SH2D5: variants seen among roughly 807,000 people sequenced by gnomAD.
The protein encoded by SH2D5 is SH2 domain-containing protein 5.
SH2D5 carries 45 observed loss-of-function variants against 48.2 expected under a neutral mutation model. That is an observed-to-expected ratio of 0.93 (90% CI 0.73 to 1.20). The LOEUF is 1.20. Ranked by LOEUF, SH2D5 falls within the 50% of genes most tolerant of loss-of-function variation. The pLI is 0.00. For missense variants in SH2D5, 538 were observed against 584.1 expected (o/e 0.92, Z 0.81); for synonymous variants, 230 against 249.8 (o/e 0.92, Z 0.75).
In SH2D5 at chr1:20,727,589, G is replaced by A. The variant is rs570074696; in HGVS notation, c.102C>T (p.Phe34=). The A allele has an allele frequency of 6.6e-5, 106 of 1,610,216 alleles. No individual in the cohort carries two copies. The South Asian group carries it at 9.6e-4, about 15-fold the overall frequency. Residue 34 remains phenylalanine (F), a synonymous_variant, in exon 3 of 10, where the codon TTC becomes TTT. Transcript: ENST00000444387. ...CCTGGGTGTCCAGGTCATCCACAGG[G>A]AAGGAGCCCACGTACTGCTCGGCAG... The part of the protein sequence containing the change: ...ITKFAQYVGS[F]PVDDLDTQES...
rs763582177 is a variant in SH2D5 at position 20,727,083 on chromosome 1, GA to G, written c.169-9del. The G allele has an allele frequency of 4.4e-6, 7 of 1,608,352 alleles. No individual in the cohort carries two copies. In the East Asian group the frequency reaches 1.6e-4, roughly 36 times the overall value. ...CCGGCGTCGGGGACAGTCCTGGGTGGAAAAGAGTAGTGGGGACAGGCACCAC... is the reference window on the plus strand; with the variant it reads ...CCGGCGTCGGGGACAGTCCTGGGTGGAAAGAGTAGTGGGGACAGGCACCAC... On this transcript the variant is annotated splice_polypyrimidine_tract_variant and intron_variant, in intron 3 of 9. Coordinates refer to ENST00000444387, the MANE Select transcript of SH2D5 (RefSeq NM_001103161.2).
intron 1 of SH2D5, among the ~76,000 whole-genome samples, chr1:20,730,317 G>C (rs2054884101): frequency 7.5e-6 from 1 of 133,552 alleles, no homozygotes; most frequent in African/African-American, 2.8e-5. Flanking sequence ...GGGGGGGGGG[G>C]GGACGCAGCC....
intron 5 of SH2D5, among the ~76,000 whole-genome samples, chr1:20,725,537 C>G (rs905652167): frequency 1.3e-5 from 2 of 152,130 alleles, no homozygotes; most frequent in Non-Finnish European, 2.9e-5. Context: ...TCACAGGACC[C>G]CAGAGAGAGT....
rs1275536573 is a variant in SH2D5 at position 20,729,161 on chromosome 1, A to G, written c.-42-1075T>C. Among the ~76,000 whole-genome samples, 1 of 152,348 alleles carries G rather than the reference A, an allele frequency of 6.6e-6. No homozygotes were observed. The highest frequency in any genetic ancestry group is 1.9e-4 in the East Asian group (1 of 5,180). On this transcript the variant is annotated intron_variant, in intron 1 of 9. Transcript: ENST00000444387. This position sits in a 1 kb window ranked among gnomAD's most constrained non-coding sequence, Gnocchi z 4.2. ...AACACACTATTTCCCATGAGAGCCC[A>G]GGACACAGCTGGTGTTCAATTAATG...
At chr1:20,726,229 GT>G (rs2054797272) in intron 4 of SH2D5, among the ~76,000 whole-genome samples, 163 bp from the exon 5 acceptor site, 2 of 152,218 alleles carry the variant, frequency 1.3e-5, no homozygotes, top group Non-Finnish European at 2.9e-5. Context: ...CCACCCCCAT[GT>G]GATGCTCGGC....
intron 2 of SH2D5, 34 bp from the exon 3 acceptor site, chr1:20,727,637 G>C (rs748114127): frequency 6.4e-7 from 1 of 1,571,374 alleles, no homozygotes; most frequent in African/African-American, 1.3e-5. Context: ...AGTAAGGCGG[G>C]GAGTCAGGCC....
rs2054875235 is a variant in SH2D5 at position 20,729,940 on chromosome 1, C to T, written c.-42-1854G>A. 6.6e-6 allele frequency among the ~76,000 whole-genome samples: 1 copy of T among 152,238 alleles called. No homozygotes were observed. The highest frequency in any genetic ancestry group is 1.5e-5 in the Non-Finnish European group (1 of 68,040). On this transcript the variant is annotated intron_variant, in intron 1 of 9. Transcript: ENST00000444387. This position sits in a 1 kb window ranked among gnomAD's most constrained non-coding sequence, Gnocchi z 4.2. ...CTTTTCTGGGCTATTGCACCCGGAT[C>T]ATTTTCATGTCATATCCTTTACCTA...
Position 20,724,121 on chromosome 1 carries a change from G to A in SH2D5, c.761C>T (p.Thr254Ile), listed in dbSNP as rs781439575. The A allele has an allele frequency of 6.2e-7, 1 of 1,612,832 alleles. No individual in the cohort carries two copies. Among genetic ancestry groups the A allele is most frequent in the Non-Finnish European group, 8.5e-7 (1 of 1,179,812 alleles). Residue 254 changes from threonine to isoleucine, a missense_variant, in exon 7 of 10, where the codon ACC becomes ATC. Transcript: ENST00000444387. ...VIRSGAYRGC[T>I]YETQLQLSAR... ...CGACAGCTGCAGCTGGGTCTCATAGGTGCAGCCGCGGTAGGCCCCCGAGCG... is the reference window on the plus strand; with the variant it reads ...CGACAGCTGCAGCTGGGTCTCATAGATGCAGCCGCGGTAGGCCCCCGAGCG...
intron 2 of SH2D5, 102 bp from the exon 3 acceptor site, chr1:20,727,705 C>T (rs1028373665): frequency 3.9e-5 from 45 of 1,143,376 alleles, no homozygotes; most frequent in Non-Finnish European, 5.4e-5. Context: ...CTCTGCCAGG[C>T]GTGTCTGTGG....
chr1:20,724,646 G>A lies in SH2D5; in HGVS notation c.391-11C>T. ...GTGCAGGATCTGGACCTGGGAGGGA[G>A]GGAGAGAGGTGGGCTCAGCTGGAGG... is the stretch of plus-strand genomic sequence containing the variant. On this transcript the variant is annotated splice_polypyrimidine_tract_variant and intron_variant, in intron 5 of 9. Transcript: ENST00000444387. 6.5e-7 allele frequency: 1 copy of A among 1,543,834 alleles called. No individual in the cohort carries two copies. The highest frequency in any genetic ancestry group is 8.7e-7 in the Non-Finnish European group (1 of 1,147,316).
intron 1 of SH2D5, chr1:20,730,883 C>G (rs531398206): frequency 6.6e-6 from 1 of 152,462 alleles, no homozygotes. Context: ...GATGGGCTGA[C>G]CTGCCTCGTG....
chr1:20,721,876 G>C lies in SH2D5; in HGVS notation c.1188C>G (p.Asp396Glu). Residue 396 changes from aspartate to glutamate, a missense_variant, in exon 10 of 10, where the codon GAC (aspartate) becomes GAG (glutamate). Asp to Glu is a conservative substitution (Grantham distance 45, BLOSUM62 2). Transcript: ENST00000444387. ...GGGGCGGCCTGCCTGGGGGCCCACA[G>C]TCCTGCTCCTCGTAGGTGGGGTTCA... ...GRLNPTYEEQDCGPPGRPPRT... is the reference protein window; with the variant it reads ...GRLNPTYEEQECGPPGRPPRT... The C allele has an allele frequency of 3.7e-6, 6 of 1,613,038 alleles. No individual in the cohort carries two copies. Among genetic ancestry groups the C allele is most frequent in the Non-Finnish European group, 5.1e-6 (6 of 1,179,930 alleles).
chr1:20,727,013 G>A lies in SH2D5; in HGVS notation c.231C>T (p.Ser77=), dbSNP rs147562864. ...KFSLQGLKIY[S]GEGEVLLMAH... ...CAGGGGTTCCTACCTCACCCTCCCCGCTGTAGATCTTGAGACCCTGAAGGC... is the reference window on the plus strand; with the variant it reads ...CAGGGGTTCCTACCTCACCCTCCCCACTGTAGATCTTGAGACCCTGAAGGC... The change falls in exon 4 of 10, where the codon AGC becomes AGT. Residue 77 remains serine, a synonymous_variant. Transcript: ENST00000444387. 229 of 1,611,040 alleles carry A rather than the reference G, an allele frequency of 1.4e-4. No homozygotes were observed. Among genetic ancestry groups the A allele is most frequent in the Middle Eastern group, 3.3e-4 (2 of 6,054 alleles).
chr1:20,728,074 A>C lies in SH2D5; in HGVS notation c.-30T>G. On this transcript the variant is annotated 5_prime_UTR_variant, in exon 2 of 10. Transcript: ENST00000444387. This position sits in a 1 kb window ranked among gnomAD's most constrained non-coding sequence, Gnocchi z 4.3. The stretch of plus-strand genomic sequence containing the variant: ...CCCAGGGTGCCTGGCTTCCAGCTCC[A>C]CGGGAGGGGAGGCTGCAAAGGGCAG... 6.8e-7 allele frequency: 1 copy of C among 1,479,004 alleles called. No homozygotes were observed. Among genetic ancestry groups the C allele is most frequent in the Non-Finnish European group, 9.2e-7 (1 of 1,091,114 alleles). 91.6% of individuals were successfully genotyped at this position (1,479,004 alleles called of 1,614,324 possible).
intron 3 of SH2D5, 53 bp downstream of exon 3, chr1:20,727,470 T>A (rs1557618953): frequency 6.7e-7 from 1 of 1,494,908 alleles, no homozygotes; most frequent in Non-Finnish European, 9.2e-7. Flanking sequence ...GGGGGTTACC[T>A]GGTCTTCAAG....
Position 20,729,790 on chromosome 1 carries a change from C to T in SH2D5, c.-42-1704G>A, listed in dbSNP as rs575201514. Among the ~76,000 whole-genome samples, 71 of 152,336 alleles carry T rather than the reference C, an allele frequency of 4.7e-4. 1 individual carries two copies. In the South Asian group the frequency reaches 0.015, roughly 32 times the overall value. On this transcript the variant is annotated intron_variant, in intron 1 of 9. Coordinates refer to ENST00000444387, the MANE Select transcript of SH2D5 (RefSeq NM_001103161.2). This position sits in a 1 kb window ranked among gnomAD's most constrained non-coding sequence, Gnocchi z 4.2. ...CATGACCTTTAACCTCAGGCTCAGG[C>T]CAGGGTGGAGGTGCCTGCACCGATC...
At chr1:20,731,035 G>C (rs1400301079) in intron 1 of SH2D5, 1 of 152,350 alleles carries the variant, frequency 6.6e-6, no homozygotes, top group African/African-American at 2.4e-5. Flanking sequence ...GCTTCAGTGG[G>C]AGAGCAGGGA....
chr1:20,731,803 G>A (rs577345069), intron 1 of SH2D5, among the ~76,000 whole-genome samples: 3 of 152,170 alleles, frequency 2.0e-5, no homozygotes, highest in East Asian at 1.9e-4. Flanking sequence ...GGCGCTGCGG[G>A]GAACGGCCAG....
chr1:20,726,997 C>G lies in SH2D5; in HGVS notation c.243+4G>C, dbSNP rs1243541333. 1.9e-6 allele frequency: 3 copies of G among 1,609,558 alleles called. No individual in the cohort carries two copies. Among genetic ancestry groups the G allele is most frequent in the East Asian group, 4.5e-5 (2 of 44,830 alleles). On this transcript the variant is annotated splice_donor_region_variant and intron_variant, in intron 4 of 9. Transcript: ENST00000444387. ...TCCTCACCTGCACCCACAGGGGTTCCTACCTCACCCTCCCCGCTGTAGATC... is the reference window on the plus strand; with the variant it reads ...TCCTCACCTGCACCCACAGGGGTTCGTACCTCACCCTCCCCGCTGTAGATC...
Sources: allele counts gnomAD v4.1 joint callset (sites outside exome capture counted in the v4.1 genomes callset), GRCh38; gene constraint gnomAD v4.1.1; non-coding constraint Gnocchi (gnomAD v3.1); transcripts MANE v1.5; gene names NCBI Gene and HGNC (gene_info 2026-07-23, HGNC 2026-07-21).